ZACN: variants seen among roughly 807,000 people sequenced by gnomAD.
The protein encoded by ZACN is ligand-gated cation channel ZACN.
A neutral mutation model predicts 38.9 loss-of-function variants in ZACN; 52 were observed. That is an observed-to-expected ratio of 1.34 (90% CI 1.07 to 1.68). The LOEUF (loss-of-function observed/expected upper bound fraction) is 1.68. Among genes scored for constraint, ZACN ranks in the 40% most tolerant of loss-of-function variants. ZACN has a pLI of 0.00. For synonymous variants in ZACN, 235 were observed against 227.4 expected, an observed-to-expected ratio of 1.03 and a Z score of -0.30; for missense variants, 559 against 525.6, an observed-to-expected ratio of 1.06 and a Z score of -0.62.
In ZACN at chr17:76,081,286, T is replaced by C. The variant is rs2066958651; in HGVS notation, c.553T>C (p.Leu185=). 1 of 1,613,638 alleles carries C rather than the reference T, an allele frequency of 6.2e-7. No individual in the cohort carries two copies. The highest frequency in any genetic ancestry group is 1.1e-5 in the South Asian group (1 of 91,078). ...TCATTCCCACCCCTCAGCGATGGAG[T>C]TAGAGTTCCAGGCCCACGTGGTGAA... The part of the protein sequence containing the change: ...FYALSNTAME[L]EFQAHVVNEI... The change falls in exon 6 of 9, where the codon TTA becomes CTA. Residue 185 remains leucine, a synonymous_variant. Coordinates refer to ENST00000334586, the MANE Select transcript of ZACN (RefSeq NM_180990.4).
intron 5 of ZACN, 55 bp downstream of exon 5, chr17:76,080,479 G>A (rs767896996): frequency 6.2e-7 from 1 of 1,602,412 alleles, no homozygotes. Flanking sequence ...AGGTGGGGGA[G>A]GGGAACTCCC....
intron 5 of ZACN, chr17:76,080,739 G>A (rs2066940719): frequency 9.6e-6 from 5 of 518,702 alleles, no homozygotes; most frequent in Middle Eastern, 2.9e-4. Context: ...GAGCACATCA[G>A]TCTTCTGTCC....
rs755709345 is a variant in ZACN at position 76,081,628 on chromosome 17, G to A, written c.753G>A (p.Gly251=). 10 of 1,614,118 alleles carry A rather than the reference G, an allele frequency of 6.2e-6. No individual in the cohort carries two copies. Among genetic ancestry groups the A allele is most frequent in the South Asian group, 2.2e-5 (2 of 91,086 alleles). ...AEALLLADVC[G]GLLPLRAIER... is the part of the protein sequence containing the mutation. ...CACTGCTGTTGGCTGACGTGTGCGGGGGGTTGCTGCCCCTCCGGGCCATTG... is the reference window on the plus strand; with the variant it reads ...CACTGCTGTTGGCTGACGTGTGCGGAGGGTTGCTGCCCCTCCGGGCCATTG... Residue 251 remains glycine (G), a synonymous_variant, in exon 7 of 9, where the codon GGG becomes GGA. Transcript: ENST00000334586.
At position 76,080,203 on chromosome 17, in the gene ZACN, G is replaced by A. The variant is rs374986088; in HGVS notation, c.375-52G>A. 7.0e-5 allele frequency: 109 copies of A among 1,560,150 alleles called. No individual in the cohort carries two copies. The East Asian group carries it at 1.1e-3, about 15-fold the overall frequency. Reference sequence around the variant, plus strand: ...GGTTGGGATGCCAGGGTCTCCCCCCGGCCCCGTCCAAGAAGGGGCTGGGGC... The same window carrying A: ...GGTTGGGATGCCAGGGTCTCCCCCCAGCCCCGTCCAAGAAGGGGCTGGGGC... On this transcript the variant is annotated intron_variant, in intron 4 of 8. Transcript: ENST00000334586.
In ZACN at chr17:76,081,687, G is replaced by A; in HGVS notation, c.812G>A (p.Ser271Asn). The A allele has an allele frequency of 2.5e-6, 4 of 1,614,112 alleles. No individual in the cohort carries two copies. The highest frequency in any genetic ancestry group is 3.4e-6 in the Non-Finnish European group (4 of 1,180,026). The change falls in exon 7 of 9, where the codon AGT becomes AAT. Residue 271 changes from serine (S) to asparagine (N), a missense_variant. Transcript: ENST00000334586. ...RIGYKVTLLL[S>N]YLVLHSSLVQ... ...GGCTACAAGGTGACATTGCTGCTGAGTTACCTCGTCCTCCACTCCTCCCTG... is the reference window on the plus strand; with the variant it reads ...GGCTACAAGGTGACATTGCTGCTGAATTACCTCGTCCTCCACTCCTCCCTG...
intron 4 of ZACN, 49 bp from the exon 5 acceptor site, chr17:76,080,206 C>G (rs1332049348): frequency 1.9e-6 from 3 of 1,567,594 alleles, no homozygotes; most frequent in Non-Finnish European, 2.6e-6. Flanking sequence ...TCCCCCCGGC[C>G]CCGTCCAAGA....
intron 5 of ZACN, chr17:76,080,637 C>T: frequency 1.4e-6 from 1 of 716,778 alleles, no homozygotes; most frequent in Non-Finnish European, 2.5e-6. Flanking sequence ...ACTCGAGTGG[C>T]AGCCCATCTC....
chr17:76,079,291 T>A lies in ZACN; in HGVS notation c.27T>A (p.His9Gln). The change falls in exon 1 of 9, where the codon CAT (histidine) becomes CAA (glutamine). Residue 9 changes from histidine to glutamine, a missense_variant. Transcript: ENST00000334586. ...TGATGGCCCTATGGTCCCTGCTCCA[T>A]CTCACCTTCCTGGGGTTCAGCATTA... is the stretch of plus-strand genomic sequence containing the variant. MMALWSLL[H>Q]LTFLGFSITL... is the part of the protein sequence containing the mutation. 6.2e-7 allele frequency: 1 copy of A among 1,613,978 alleles called. No individual in the cohort carries two copies. The highest frequency in any genetic ancestry group is 8.5e-7 in the Non-Finnish European group (1 of 1,179,910).
Position 76,081,438 on chromosome 17 carries a change from C to T in ZACN, c.669+36C>T, listed in dbSNP as rs369528499. 1.1e-5 allele frequency: 18 copies of T among 1,613,016 alleles called. No homozygotes were observed. In the African/African-American group the frequency reaches 2.4e-4, roughly 21 times the overall value. On this transcript the variant is annotated intron_variant, in intron 6 of 8. Coordinates refer to ENST00000334586, the MANE Select transcript of ZACN (RefSeq NM_180990.4). ...TCGGGAGGAGGCCGACAGAGGGCTGCTGGAGGCGGGTGGGAGTGAGGATGC... is the reference window on the plus strand; with the variant it reads ...TCGGGAGGAGGCCGACAGAGGGCTGTTGGAGGCGGGTGGGAGTGAGGATGC...
Position 76,079,967 on chromosome 17 carries a change from G to A in ZACN, c.347G>A (p.Trp116Ter). 6.3e-7 allele frequency: 1 copy of A among 1,593,444 alleles called. No individual in the cohort carries two copies. Among genetic ancestry groups the A allele is most frequent in the Non-Finnish European group, 8.5e-7 (1 of 1,170,206 alleles). Residue 116 changes from tryptophan to a stop codon, truncating the protein, a stop_gained, in exon 4 of 9, where the codon TGG (tryptophan) becomes TAG (stop). Coordinates refer to ENST00000334586, the MANE Select transcript of ZACN (RefSeq NM_180990.4). LOFTEE classifies it high-confidence loss of function. ...ATCACGCTGCCCTGGGAGTCTCTCT[G>A]GACACCAAGGCTCACCATCCTGGAG... is the stretch of plus-strand genomic sequence containing the variant. ...HAITLPWESL[W>*]TPRLTILEAL...
Position 76,081,288 on chromosome 17 carries a change from A to G in ZACN, c.555A>G (p.Leu185=). 6.2e-7 allele frequency: 1 copy of G among 1,613,908 alleles called. No individual in the cohort carries two copies. Among genetic ancestry groups the G allele is most frequent in the Non-Finnish European group, 8.5e-7 (1 of 1,179,992 alleles). ...FYALSNTAME[L]EFQAHVVNEI... ...ATTCCCACCCCTCAGCGATGGAGTT[A>G]GAGTTCCAGGCCCACGTGGTGAACG... Residue 185 remains leucine (L), a synonymous_variant, in exon 6 of 9, where the codon TTA becomes TTG. Coordinates refer to ENST00000334586, the MANE Select transcript of ZACN (RefSeq NM_180990.4).
chr17:76,079,609 G>A, intron 2 of ZACN, 46 bp downstream of exon 2: 2 of 1,613,506 alleles, frequency 1.2e-6, no homozygotes, highest in Non-Finnish European at 1.7e-6. Context: ...GCTGGGCAGG[G>A]AACAGGACTC....
At chr17:76,080,835 C>T (rs902096142) in intron 5 of ZACN, 1 of 473,918 alleles carries the variant, frequency 2.1e-6, no homozygotes, top group Non-Finnish European at 4.2e-6. Flanking sequence ...GTTGCCATGG[C>T]CTCACTCCTG....
chr17:76,080,327 G>A lies in ZACN; in HGVS notation c.447G>A (p.Leu149=), dbSNP rs2066929002. The change falls in exon 5 of 9, where the codon CTG becomes CTA. Residue 149 remains leucine (L), a synonymous_variant. Coordinates refer to ENST00000334586, the MANE Select transcript of ZACN (RefSeq NM_180990.4). Reference sequence around the variant, plus strand: ...AGGACGGCCACGTGAAGCTCAACCTGGCCCTCGCCACGGAGACCAACTGCA... The same window carrying A: ...AGGACGGCCACGTGAAGCTCAACCTAGCCCTCGCCACGGAGACCAACTGCA... The part of the protein sequence containing the change: ...VDQDGHVKLN[L]ALATETNCNF... 1.9e-6 allele frequency: 3 copies of A among 1,613,770 alleles called. No individual in the cohort carries two copies. The highest frequency in any genetic ancestry group is 2.5e-6 in the Non-Finnish European group (3 of 1,179,890).
At chr17:76,080,772 C>A in intron 5 of ZACN, 1 of 492,342 alleles carries the variant, frequency 2.0e-6, no homozygotes, top group Non-Finnish European at 4.0e-6. Context: ...CTGCCCTCCA[C>A]AGCCATGGCG....
Position 76,082,030 on chromosome 17 carries a change from A to C in ZACN, c.1029A>C (p.Pro343=). Residue 343 remains proline, a synonymous_variant, in exon 8 of 9, where the codon CCA becomes CCC. Transcript: ENST00000334586. ...PRGEQREHGN[P]GPHPAEEPSR... is the part of the protein sequence containing the mutation. ...GGGAACAGCGAGAGCACGGCAACCC[A>C]GGGCCTCATCCTGCTGAAGGTGGGC... 1 of 1,610,166 alleles carries C rather than the reference A, an allele frequency of 6.2e-7. No homozygotes were observed. The highest frequency in any genetic ancestry group is 8.5e-7 in the Non-Finnish European group (1 of 1,178,866).
intron 5 of ZACN, chr17:76,080,784 C>A (rs1299237517): frequency 2.0e-6 from 1 of 488,266 alleles, no homozygotes; most frequent in East Asian, 6.0e-5. Context: ...GCCATGGCGA[C>A]TGCAGTGGCT....
rs752814887 is a variant in ZACN at position 76,080,292 on chromosome 17, C to G, written c.412C>G (p.Arg138Gly). The stretch of plus-strand genomic sequence containing the variant: ...CTGGAGGGACCAGAGCCCCCAGGCT[C>G]GAGTAGACCAGGACGGCCACGTGAA... ...VDWRDQSPQARVDQDGHVKLN... is the reference protein window; with the variant it reads ...VDWRDQSPQAGVDQDGHVKLN... The change falls in exon 5 of 9, where the codon CGA becomes GGA. Residue 138 changes from arginine (R) to glycine (G), a missense_variant. By Grantham distance (125) the Arg-to-Gly change is moderately radical. Coordinates refer to ENST00000334586, the MANE Select transcript of ZACN (RefSeq NM_180990.4). The G allele has an allele frequency of 8.7e-5, 141 of 1,613,820 alleles. No homozygotes were observed. Among genetic ancestry groups the G allele is most frequent in the Non-Finnish European group, 1.2e-4 (136 of 1,180,012 alleles).
chr17:76,080,741 C>T lies in ZACN; in HGVS notation c.544+317C>T, dbSNP rs1340233701. On this transcript the variant is annotated intron_variant, in intron 5 of 8. Coordinates refer to ENST00000334586, the MANE Select transcript of ZACN (RefSeq NM_180990.4). ...ATCCCAGAGGTCCGAGCACATCAGT[C>T]TTCTGTCCTCCCCAGAGCAACTGCC... 3 of 514,738 alleles carry T rather than the reference C, an allele frequency of 5.8e-6. No individual in the cohort carries two copies. In the East Asian group the frequency reaches 1.5e-4, roughly 26 times the overall value. The allele number at this position is 514,738 out of a possible 1,614,324, so 31.9% of individuals were successfully genotyped here. A position where few individuals can be genotyped will look rare whatever the true frequency, so the allele number is the denominator to read the frequency against.
Sources: allele counts gnomAD v4.1 joint callset, GRCh38; gene constraint gnomAD v4.1.1; transcripts MANE v1.5; gene names NCBI Gene and HGNC (gene_info 2026-07-23, HGNC 2026-07-21).